Variants in HBS1L observed in about 807,000 individuals in gnomAD.
HBS1L encodes HBS1 like translational GTPase.
In HBS1L, 55 loss-of-function variants were observed where a neutral mutation model predicts 88.9. The observed-to-expected ratio is 0.62, with a 90% confidence interval of 0.50 to 0.77. The LOEUF is 0.77. Ranked by LOEUF, HBS1L falls within the 30% of genes least tolerant of loss-of-function variation. The probability of loss-of-function intolerance (pLI) is 0.00; values close to 1 mark genes in which losing one functional copy is unlikely to be tolerated. For synonymous variants in HBS1L, 267 were observed against 288.5 expected, an observed-to-expected ratio of 0.93 and a Z score of 0.76; for missense variants, 741 against 829.3, an observed-to-expected ratio of 0.89 and a Z score of 1.31.
intron 8 of HBS1L, among the ~76,000 whole-genome samples, chr6:134,993,520 AAACTC>A (rs1775204283): frequency 6.6e-6 from 1 of 152,212 alleles, no homozygotes; most frequent in Non-Finnish European, 1.5e-5. Flanking sequence ...TACGATAAAG[AAACTC>A]ATAGCTTTTA....
intron 4 of HBS1L, among the ~76,000 whole-genome samples, chr6:135,020,881 G>A (rs549115363): frequency 6.6e-6 from 1 of 152,030 alleles, no homozygotes; most frequent in South Asian, 2.1e-4. Context: ...AAACTAGGGG[G>A]AGGGCAAAAT....
intron 4 of HBS1L, among the ~76,000 whole-genome samples, chr6:135,014,204 T>G (rs1346528766): frequency 2.0e-5 from 3 of 152,204 alleles, no homozygotes; most frequent in Non-Finnish European, 4.4e-5. Flanking sequence ...AAGAGAAGTC[T>G]GCTGGTCAGA....
intron 4 of HBS1L, among the ~76,000 whole-genome samples, chr6:135,034,986 C>T (rs60378268): frequency 2.0e-5 from 3 of 152,114 alleles, no homozygotes; most frequent in Non-Finnish European, 2.9e-5. Flanking sequence ...GAAGTAATTC[C>T]TCCAGTGATT....
At chr6:135,051,030 C>T (rs1350485381) in intron 1 of HBS1L, among the ~76,000 whole-genome samples, 2 of 151,858 alleles carry the variant, frequency 1.3e-5, no homozygotes, top group South Asian at 2.1e-4. Context: ...GTTTGAGACC[C>T]GCCTGACCAA....
Position 134,996,868 on chromosome 6 carries a change from T to G in HBS1L, c.874A>C (p.Met292Leu), listed in dbSNP as rs376809373. ...YLLGNINKRT[M>L]HKYEQESKKA... ...TTAGACTCCTGTTCATACTTATGCA[T>G]AGTTCTTTTGTTTATATTACCCAGA... The change falls in exon 7 of 18, where the codon ATG becomes CTG. Residue 292 changes from methionine (M) to leucine (L), a missense_variant. Physicochemically the swap from Met to Leu is conservative, Grantham distance 15. This residue lies in a region of HBS1L where 556 missense variants were observed against 598.4 expected (regional missense o/e 0.93). Transcript: ENST00000367837. 5.6e-6 allele frequency: 9 copies of G among 1,611,652 alleles called. No homozygotes were observed. Among genetic ancestry groups the G allele is most frequent in the Admixed American group, 1.7e-5 (1 of 59,486 alleles).
intron 4 of HBS1L, among the ~76,000 whole-genome samples, chr6:135,034,334 C>T (rs1189233247): frequency 6.6e-6 from 1 of 152,138 alleles, no homozygotes; most frequent in Non-Finnish European, 1.5e-5. Context: ...AAAGACCAGC[C>T]TTTTCATTTT....
chr6:134,971,365 A>G (rs1266955437), intron 15 of HBS1L, among the ~76,000 whole-genome samples: 1 of 152,232 alleles, frequency 6.6e-6, no homozygotes, highest in Non-Finnish European at 1.5e-5. Flanking sequence ...CGTTTGTAAC[A>G]AACAACTGAG....
chr6:135,041,613 C>T (rs2114908678), intron 3 of HBS1L, among the ~76,000 whole-genome samples: 1 of 152,090 alleles, frequency 6.6e-6, no homozygotes, highest in Middle Eastern at 3.4e-3. Context: ...TTTTTGAAAC[C>T]TCTTGAACTT....
intron 13 of HBS1L, among the ~76,000 whole-genome samples, chr6:134,980,225 T>C (rs1390698596): frequency 1.3e-5 from 2 of 152,058 alleles, no homozygotes; most frequent in African/African-American, 2.4e-5. Flanking sequence ...TCATTTTCTA[T>C]GCAGCAGGGA....
At chr6:134,972,584 A>C (rs1437908466) in intron 15 of HBS1L, among the ~76,000 whole-genome samples, 1 of 152,232 alleles carries the variant, frequency 6.6e-6, no homozygotes, top group Non-Finnish European at 1.5e-5. Context: ...AACAAAGGAA[A>C]AAATAAACTG....
At chr6:134,978,884 TAAGTA>T in intron 14 of HBS1L, 97 bp from the exon 15 acceptor site, 2 of 745,380 alleles carry the variant, frequency 2.7e-6, no homozygotes, top group Non-Finnish European at 4.5e-6. Context: ...GTAAAACAAT[TAAGTA>T]AATTAGGGAC....
chr6:135,011,715 G>A (rs1365841270), intron 4 of HBS1L, among the ~76,000 whole-genome samples: 1 of 152,030 alleles, frequency 6.6e-6, no homozygotes, highest in Admixed American at 6.6e-5. Context: ...GACCAGTCTA[G>A]CCAACATTAT....
At chr6:135,013,287 G>C (rs2114839448) in intron 4 of HBS1L, among the ~76,000 whole-genome samples, 1 of 152,324 alleles carries the variant, frequency 6.6e-6, no homozygotes, top group East Asian at 1.9e-4. Context: ...GTGGGTCTCT[G>C]CCAGTCACCA....
chr6:135,013,729 A>G (rs1360913994), intron 4 of HBS1L, among the ~76,000 whole-genome samples: 1 of 152,222 alleles, frequency 6.6e-6, no homozygotes, highest in African/African-American at 2.4e-5. Flanking sequence ...TTACTTTAAA[A>G]GATATTACAG....
chr6:135,021,243 T>A (rs996139468), intron 4 of HBS1L, among the ~76,000 whole-genome samples: 1 of 152,132 alleles, frequency 6.6e-6, no homozygotes, highest in Non-Finnish European at 1.5e-5. Context: ...TGCCTACAAT[T>A]ACTGCTTAAA....
In HBS1L at chr6:135,054,716, AG is replaced by A; in HGVS notation, c.-26del. ...TGACGGCGGAGAGGGCGTTTGCCAC[AG>A]CCCCTTAACTCCTTCCAAAACACTC... On this transcript the variant is annotated 5_prime_UTR_variant, in exon 1 of 18. Transcript: ENST00000367837. The A allele has an allele frequency of 6.2e-7, 1 of 1,614,066 alleles. No individual in the cohort carries two copies. The highest frequency in any genetic ancestry group is 8.5e-7 in the Non-Finnish European group (1 of 1,179,992).
At chr6:134,968,280 ACT>A (rs1406199203) in intron 16 of HBS1L, among the ~76,000 whole-genome samples, 6 of 149,102 alleles carry the variant, frequency 4.0e-5, no homozygotes, top group South Asian at 4.2e-4. Context: ...ATGGAGTTTC[ACT>A]CTGTCACCCA....
At chr6:135,050,722 T>C in intron 1 of HBS1L, 75 bp from the exon 2 acceptor site, 2 of 872,708 alleles carry the variant, frequency 2.3e-6, no homozygotes, top group South Asian at 3.2e-5. Flanking sequence ...AGGAAGCATC[T>C]GAATCCTCTC....
At chr6:134,997,013 G>A (rs1775308166) in intron 6 of HBS1L, 71 bp from the exon 7 acceptor site, 1 of 1,110,622 alleles carries the variant, frequency 9.0e-7, no homozygotes, top group Non-Finnish European at 1.3e-6. Flanking sequence ...TTGCATAAAT[G>A]TGTAATTCAA....
Sources: allele counts gnomAD v4.1 joint callset (sites outside exome capture counted in the v4.1 genomes callset), GRCh38; gene constraint gnomAD v4.1.1; regional missense constraint gnomAD v4.1.1; transcripts MANE v1.5; gene names NCBI Gene and HGNC (gene_info 2026-07-23, HGNC 2026-07-21).